Variants in ARMC9 observed in about 807,000 individuals in gnomAD.
ARMC9 encodes the protein armadillo repeat containing 9, also known as lisH domain-containing protein ARMC9.
Under a neutral mutation model 107.0 loss-of-function variants are expected in ARMC9, and 94 were observed. The observed-to-expected ratio is 0.88, with a 90% CI of 0.74 to 1.04. The LOEUF (loss-of-function observed/expected upper bound fraction) is 1.04, where lower values mean the gene tolerates loss of function less well. ARMC9 is among the 50% of genes least tolerant of loss of function. The pLI is 0.00. For missense variants in ARMC9, 942 were observed against 1,030.1 expected, an observed-to-expected ratio of 0.91 and a Z score of 1.17; for synonymous variants, 380 against 396.9, an observed-to-expected ratio of 0.96 and a Z score of 0.51.
At chr2:231,270,139 C>A (rs2039197899) in intron 12 of ARMC9, among the ~76,000 whole-genome samples, 1 of 152,216 alleles carries the variant, frequency 6.6e-6, no homozygotes, top group Non-Finnish European at 1.5e-5. Context: ...GCCTAGAGGG[C>A]AAAGGTCTGG....
chr2:231,372,688 C>G lies in ARMC9; in HGVS notation c.*1153C>G, dbSNP rs1242029507. 1 of 148,572 alleles carries G rather than the reference C, an allele frequency of 6.7e-6. No individual in the cohort carries two copies. Among genetic ancestry groups the G allele is most frequent in the African/African-American group, 2.5e-5 (1 of 39,672 alleles). The allele number at this position is 148,572 out of a possible 1,614,324, so 9.2% of individuals were successfully genotyped here. On this transcript the variant is annotated 3_prime_UTR_variant, in exon 25 of 25. Transcript: ENST00000611582. Reference sequence around the variant, plus strand: ...AGCTCTAAAATCAAATAAAACCCATCAGTATTTAGTGGTGTGTGTGTGTGT... The same window carrying G: ...AGCTCTAAAATCAAATAAAACCCATGAGTATTTAGTGGTGTGTGTGTGTGT...
intron 24 of ARMC9, chr2:231,371,126 C>A: frequency 2.0e-6 from 1 of 492,740 alleles, no homozygotes; most frequent in Non-Finnish European, 4.0e-6. Flanking sequence ...GAGGCTCGGC[C>A]AGGAGGAAGG....
At chr2:231,328,840 A>C (rs1288323891) in intron 19 of ARMC9, among the ~76,000 whole-genome samples, 1 of 80,664 alleles carries the variant, frequency 1.2e-5, no homozygotes, top group African/African-American at 4.2e-5. Context: ...TTTGAGTCGG[A>C]GTCTTGCTCT....
rs368979532 is a variant in ARMC9 at position 231,357,159 on chromosome 2, C to T, written c.2131+1225C>T. Among the ~76,000 whole-genome samples, 12 of 152,274 alleles carry T rather than the reference C, an allele frequency of 7.9e-5. No homozygotes were observed. The East Asian group carries it at 1.9e-3, about 24-fold the overall frequency. On this transcript the variant is annotated intron_variant, in intron 22 of 24. Coordinates refer to ENST00000611582, the MANE Select transcript of ARMC9 (RefSeq NM_001352754.2). ...TGTTTTCAAGAACAGTTTACTTTAG[C>T]CCTGACAAAGTCTGGGCCCAGGCAC...
intron 19 of ARMC9, among the ~76,000 whole-genome samples, chr2:231,314,299 G>A (rs2042539220): frequency 6.6e-6 from 1 of 151,864 alleles, no homozygotes; most frequent in Non-Finnish European, 1.5e-5. Flanking sequence ...GGCTGGTCTC[G>A]AACTCCCGAC....
intron 11 of ARMC9, among the ~76,000 whole-genome samples, chr2:231,260,435 C>G (rs2038226569): frequency 1.3e-5 from 2 of 152,202 alleles, no homozygotes; most frequent in Non-Finnish European, 1.5e-5. Flanking sequence ...TCATTAGCAT[C>G]AGACACCTTC....
rs2036132213 is a variant in ARMC9 at position 231,239,975 on chromosome 2, C to A, written c.813C>A (p.Val271=). 6.2e-7 allele frequency: 1 copy of A among 1,614,086 alleles called. No homozygotes were observed. The highest frequency in any genetic ancestry group is 2.2e-5 in the East Asian group (1 of 44,890). The stretch of plus-strand genomic sequence containing the variant: ...CTGAGTACCTCCAGAGCGTCTGTGT[C>A]CGCCTGTTCAGTAACCAGATGCGGC... The part of the protein sequence containing the change: ...ITPEYLQSVC[V]RLFSNQMRQS... The change falls in exon 9 of 25, where the codon GTC becomes GTA. Residue 271 remains valine, a synonymous_variant. Transcript: ENST00000611582.
intron 19 of ARMC9, among the ~76,000 whole-genome samples, chr2:231,308,294 A>C (rs1021978975): frequency 6.6e-6 from 1 of 152,206 alleles, no homozygotes; most frequent in Admixed American, 6.5e-5. Flanking sequence ...TGCTATTCTT[A>C]GCCCCATTTT....
intron 3 of ARMC9, among the ~76,000 whole-genome samples, chr2:231,212,847 C>T (rs1242918665): frequency 6.6e-6 from 1 of 152,174 alleles, no homozygotes; most frequent in African/African-American, 2.4e-5. Context: ...GAAGAGCCAG[C>T]CTTGAGGAGG....
chr2:231,351,759 A>G (rs1427108162), intron 21 of ARMC9, among the ~76,000 whole-genome samples: 7 of 152,076 alleles, frequency 4.6e-5, no homozygotes, highest in Admixed American at 4.6e-4. Context: ...CATTTCTGAC[A>G]TTCGTTTTTA....
intron 8 of ARMC9, among the ~76,000 whole-genome samples, chr2:231,237,694 AG>A (rs2035846605): frequency 7.3e-6 from 1 of 136,364 alleles, no homozygotes; most frequent in African/African-American, 2.7e-5. Context: ...ATTTTAATTT[AG>A]ATTTCTTTAA....
At chr2:231,235,462 G>GC in intron 8 of ARMC9, 81 bp downstream of exon 8, 1 of 1,489,372 alleles carries the variant, frequency 6.7e-7, no homozygotes, top group Non-Finnish European at 9.0e-7. Context: ...GATATGGCAG[G>GC]TGGAGCCTGC....
intron 20 of ARMC9, among the ~76,000 whole-genome samples, chr2:231,340,738 A>C (rs1278176657): frequency 6.6e-6 from 1 of 152,002 alleles, no homozygotes; most frequent in Non-Finnish European, 1.5e-5. Flanking sequence ...AACACAAAAA[A>C]TTAGCCAGGC....
At position 231,367,994 on chromosome 2, in the gene ARMC9, ATAAAT is replaced by A. The variant is rs201089237; in HGVS notation, c.2262-1954_2262-1950del. Among the ~76,000 whole-genome samples, 662 of 151,776 alleles carry A rather than the reference ATAAAT, an allele frequency of 4.4e-3. 5 individuals are homozygous for A. The highest frequency in any genetic ancestry group is 0.015 in the African/African-American group (615 of 41,406). ...ACTCCATTTCAAAAAAAAAAAAAAG[ATAAAT>A]TAAAATAAGTTAACTATTATAATAA... On this transcript the variant is annotated intron_variant, in intron 23 of 24. Transcript: ENST00000611582.
intron 6 of ARMC9, among the ~76,000 whole-genome samples, chr2:231,226,360 G>C (rs1241908584): frequency 6.6e-6 from 1 of 152,230 alleles, no homozygotes. Flanking sequence ...ACTGTGCTAT[G>C]CTGTTTTCAC....
At chr2:231,351,936 A>C (rs2045100381) in intron 21 of ARMC9, among the ~76,000 whole-genome samples, 1 of 152,118 alleles carries the variant, frequency 6.6e-6, no homozygotes, top group African/African-American at 2.4e-5. Context: ...ACACAATGAC[A>C]GTATGTATTG....
rs371995334 is a variant in ARMC9 at position 231,355,776 on chromosome 2, C to T, written c.1995-22C>T. The T allele has an allele frequency of 7.9e-4, 1,207 of 1,521,642 alleles. 22 individuals carry two copies. The South Asian group carries it at 0.013, about 16-fold the overall frequency. 94.3% of individuals were successfully genotyped at this position (1,521,642 alleles called of 1,614,324 possible). A position where few individuals can be genotyped will look rare whatever the true frequency, so the allele number is the denominator to read the frequency against. On this transcript the variant is annotated intron_variant, in intron 21 of 24. Transcript: ENST00000611582. ...TCTCCTGGCTGGCTGTACTCACTGC[C>T]GTTTTTCATGTTTTTCTCCAGGGTG... is the stretch of plus-strand genomic sequence containing the variant.
intron 9 of ARMC9, among the ~76,000 whole-genome samples, chr2:231,244,984 A>G (rs1241110458): frequency 1.3e-5 from 2 of 152,166 alleles, no homozygotes; most frequent in Non-Finnish European, 2.9e-5. Context: ...CCACAAGAGG[A>G]AAGAAGTGAG....
rs115476656 is a variant in ARMC9, at chr2:231,266,392, A to G, written c.1119+3994A>G. On this transcript the variant is annotated intron_variant, in intron 12 of 24. Transcript: ENST00000611582. ...AGCCAAATTTAATGAAATTGTAGAG[A>G]ACTGAATTTTTCATTTTTAGCTGAA... 7.1e-3 allele frequency among the ~76,000 whole-genome samples: 1,077 copies of G among 152,296 alleles called. 10 individuals carry two copies. The highest frequency in any genetic ancestry group is 0.024 in the African/African-American group (1,014 of 41,548).
Sources: allele counts gnomAD v4.1 joint callset (sites outside exome capture counted in the v4.1 genomes callset), GRCh38; gene constraint gnomAD v4.1.1; transcripts MANE v1.5; gene names NCBI Gene and HGNC (gene_info 2026-07-23, HGNC 2026-07-21).